RNF115: variants seen among roughly 807,000 people sequenced by gnomAD.
The protein encoded by RNF115 is ring finger protein 115, also known as E3 ubiquitin-protein ligase RNF115.
Under a neutral mutation model 39.2 loss-of-function variants are expected in RNF115, and 31 were observed. The ratio of observed to expected loss-of-function variants is 0.79; its 90% CI spans 0.59 to 1.07. The LOEUF (loss-of-function observed/expected upper bound fraction) is 1.07, where lower values mean the gene tolerates loss of function less well. Ranked by LOEUF, RNF115 falls within the 50% of genes least tolerant of loss-of-function variation. The pLI, the probability that RNF115 is intolerant of heterozygous loss-of-function variation, is 0.00. For synonymous variants in RNF115, 124 were observed against 131.0 expected (o/e 0.95, Z 0.37); for missense variants, 384 against 381.7 (o/e 1.01, Z -0.05).
intron 1 of RNF115, among the ~76,000 whole-genome samples, chr1:145,806,763 A>G (rs1369901202): frequency 6.6e-6 from 1 of 152,180 alleles, no homozygotes; most frequent in Non-Finnish European, 1.5e-5. Context: ...GCTGGTGCGA[A>G]GCTTCTTGTA....
intron 2 of RNF115, among the ~76,000 whole-genome samples, chr1:145,786,504 A>G (rs782509592): frequency 8.5e-5 from 13 of 152,228 alleles, no homozygotes; most frequent in Non-Finnish European, 1.5e-4. Context: ...AATAGCACCT[A>G]TATAAGACAA....
intron 5 of RNF115, 22 bp downstream of exon 5, chr1:145,752,956 T>G: frequency 6.6e-7 from 1 of 1,515,690 alleles, no homozygotes; most frequent in East Asian, 2.3e-5. Context: ...TAGAGTAAGA[T>G]AGAAAACAAT....
intron 3 of RNF115, among the ~76,000 whole-genome samples, chr1:145,774,034 T>C (rs1412074510): frequency 6.6e-6 from 1 of 152,192 alleles, no homozygotes. Flanking sequence ...CAGTGCCCTT[T>C]CTTCTGGCGA....
intron 4 of RNF115, among the ~76,000 whole-genome samples, chr1:145,761,060 T>C (rs1553713774): frequency 6.6e-6 from 1 of 152,192 alleles, no homozygotes; most frequent in East Asian, 1.9e-4. Flanking sequence ...TGTGGAACTT[T>C]GAACTTGAGA....
intron 3 of RNF115, among the ~76,000 whole-genome samples, chr1:145,778,396 T>C (rs1553716841): frequency 6.6e-6 from 1 of 152,186 alleles, no homozygotes; most frequent in Non-Finnish European, 1.5e-5. Flanking sequence ...GAAAAAGTTC[T>C]AAATCAGTGG....
intron 3 of RNF115, among the ~76,000 whole-genome samples, chr1:145,779,176 T>A (rs1553716959): frequency 2.5e-5 from 1 of 40,496 alleles, no homozygotes. Context: ...GAAGTCCTAA[T>A]TTTTTTTTTT....
intron 4 of RNF115, among the ~76,000 whole-genome samples, chr1:145,763,203 C>A (rs1205929835): frequency 6.6e-6 from 1 of 151,936 alleles, no homozygotes; most frequent in African/African-American, 2.4e-5. Flanking sequence ...TACACGTACC[C>A]CCGAATCTAA....
chr1:145,751,927 T>C (rs1211482180), intron 5 of RNF115, among the ~76,000 whole-genome samples: 1 of 152,160 alleles, frequency 6.6e-6, no homozygotes, highest in African/African-American at 2.4e-5. Context: ...CCGCCCACAG[T>C]TCTGGACAAT....
At chr1:145,789,627 A>T (rs1316396519) in intron 1 of RNF115, among the ~76,000 whole-genome samples, 1 of 147,002 alleles carries the variant, frequency 6.8e-6, no homozygotes, top group Non-Finnish European at 1.5e-5. Context: ...CGAACTCCCG[A>T]CCTCAGCTGA....
rs200377851 is a variant in RNF115, at chr1:145,817,652, C to A, written c.102+6120G>T. Among the ~76,000 whole-genome samples the A allele has an allele frequency of 1.7e-4, 13 of 76,970 alleles. 1 individual carries two copies. The highest frequency in any genetic ancestry group is 2.0e-4 in the Non-Finnish European group (8 of 40,396). The allele number at this position is 76,970 out of a possible 152,430, so 50.5% of individuals were successfully genotyped here. A position where few individuals can be genotyped will look rare whatever the true frequency, so the allele number is the denominator to read the frequency against. Reference sequence around the variant, plus strand: ...GGGGCACATATGTACATTTGTTACACGGACAAACTGTGTCACTGGAATTTG... The same window carrying A: ...GGGGCACATATGTACATTTGTTACAAGGACAAACTGTGTCACTGGAATTTG... On this transcript the variant is annotated intron_variant, in intron 1 of 8. Transcript: ENST00000582693.
chr1:145,754,502 C>T (rs886636829), intron 4 of RNF115, among the ~76,000 whole-genome samples: 1 of 152,118 alleles, frequency 6.6e-6, no homozygotes, highest in Non-Finnish European at 1.5e-5. Flanking sequence ...TACAGATGCA[C>T]ACCACCACGC....
intron 1 of RNF115, among the ~76,000 whole-genome samples, chr1:145,799,152 C>A: frequency 6.6e-6 from 1 of 151,760 alleles, no homozygotes; most frequent in Non-Finnish European, 1.5e-5. Flanking sequence ...ACTGCAACCT[C>A]TGCCTCCTGG....
chr1:145,789,370 G>A (rs587665973), intron 1 of RNF115, among the ~76,000 whole-genome samples: 67 of 152,034 alleles, frequency 4.4e-4, no homozygotes, highest in African/African-American at 1.6e-3. Flanking sequence ...CAAAGTGCTG[G>A]AATTACAGGC....
chr1:145,816,856 A>G (rs1444002433), intron 1 of RNF115, among the ~76,000 whole-genome samples: 1 of 104,058 alleles, frequency 9.6e-6, no homozygotes, highest in Non-Finnish European at 2.2e-5. Context: ...GTAACCTCAA[A>G]TATCCTGGGC....
intron 8 of RNF115, among the ~76,000 whole-genome samples, chr1:145,747,343 CT>C (rs1657913037): frequency 6.6e-6 from 1 of 152,152 alleles, no homozygotes. Flanking sequence ...GGTCAGCAAA[CT>C]TTTTGTTTAA....
chr1:145,792,288 A>T (rs987321066), intron 1 of RNF115, among the ~76,000 whole-genome samples: 1 of 152,080 alleles, frequency 6.6e-6, no homozygotes. Context: ...TGTAAGCTGT[A>T]TTTGGCTCTT....
At chr1:145,768,223 T>G (rs1647466698) in intron 4 of RNF115, among the ~76,000 whole-genome samples, 1 of 152,244 alleles carries the variant, frequency 6.6e-6, no homozygotes, top group Non-Finnish European at 1.5e-5. Context: ...TCACAGGAGA[T>G]GCCCCTTGGA....
At chr1:145,801,116 A>G (rs1649224763) in intron 1 of RNF115, among the ~76,000 whole-genome samples, 2 of 152,146 alleles carry the variant, frequency 1.3e-5, no homozygotes, top group Admixed American at 1.3e-4. Flanking sequence ...GCTTGCAGTG[A>G]GCCAAGATTA....
At chr1:145,761,663 T>C (rs782283673) in intron 4 of RNF115, among the ~76,000 whole-genome samples, 3 of 152,244 alleles carry the variant, frequency 2.0e-5, no homozygotes, top group Admixed American at 6.5e-5. Context: ...GGAGCCCTCA[T>C]GGAGAACCTC....
Sources: gnomAD v4.1 joint callset for allele counts (sites outside exome capture counted in the v4.1 genomes callset) on GRCh38, gnomAD v4.1.1 for gene constraint, MANE v1.5 for transcripts, NCBI Gene and HGNC (gene_info 2026-07-23, HGNC 2026-07-21) for gene names.